Variants in MALRD1 observed in about 807,000 individuals in gnomAD.
MALRD1 encodes MAM and LDL-receptor class A domain-containing protein 1.
Under a neutral mutation model 242.1 loss-of-function variants are expected in MALRD1, and 247 were observed. The ratio of observed to expected loss-of-function variants is 1.02; its 90% CI spans 0.92 to 1.13. The LOEUF is 1.13. Ranked by LOEUF, MALRD1 falls within the 50% of genes most tolerant of loss-of-function variation. MALRD1 has a pLI of 0.00. For synonymous variants in MALRD1, 995 were observed against 866.6 expected (o/e 1.15, Z -2.60); for missense variants, 2,989 against 2,533.1 (o/e 1.18, Z -3.86).
At chr10:19,617,924 C>T (rs994687213) in intron 36 of MALRD1, among the ~76,000 whole-genome samples, 2 of 152,012 alleles carry the variant, frequency 1.3e-5, no homozygotes, top group African/African-American at 2.4e-5. Context: ...TATTCCATCA[C>T]CCAGGTACTA....
At chr10:19,249,328 G>A (rs907943150) in intron 18 of MALRD1, among the ~76,000 whole-genome samples, 19 of 151,752 alleles carry the variant, frequency 1.3e-4, no homozygotes, top group Admixed American at 7.2e-4. Flanking sequence ...AGAAAGACAC[G>A]GTTTCAAAGT....
intron 25 of MALRD1, among the ~76,000 whole-genome samples, chr10:19,350,306 T>G (rs1201399930): frequency 6.7e-6 from 1 of 150,352 alleles, no homozygotes; most frequent in African/African-American, 2.5e-5. Context: ...AGTCTCACTT[T>G]GTTGCCCGGG....
chr10:19,252,646 A>C (rs1489831751), intron 18 of MALRD1, among the ~76,000 whole-genome samples: 1 of 151,998 alleles, frequency 6.6e-6, no homozygotes, highest in Non-Finnish European at 1.5e-5. Context: ...TGTCTCTACT[A>C]TTACCACAAT....
chr10:19,621,405 T>C (rs141387717), intron 36 of MALRD1, among the ~76,000 whole-genome samples: 1,801 of 147,942 alleles, frequency 0.012, 43 homozygotes, highest in African/African-American at 0.043. Flanking sequence ...ATGAATTGGC[T>C]GGATTAACTG....
chr10:19,293,273 T>A (rs61850890), intron 21 of MALRD1, among the ~76,000 whole-genome samples: 11 of 152,090 alleles, frequency 7.2e-5, no homozygotes, highest in Admixed American at 2.6e-4. Flanking sequence ...ACTGTAGTTA[T>A]ATATACATAT....
chr10:19,658,406 T>C (rs183405189), intron 36 of MALRD1, among the ~76,000 whole-genome samples: 7 of 152,256 alleles, frequency 4.6e-5, no homozygotes, highest in Admixed American at 2.6e-4. Context: ...TCTGTAGATA[T>C]CAAGCATCAA....
At chr10:19,048,081 G>A (rs1267330868), upstream of MALRD1, among the ~76,000 whole-genome samples, 2 of 152,106 alleles carry the variant, frequency 1.3e-5, no homozygotes, top group African/African-American at 4.8e-5. Context: ...TTCTGAATAT[G>A]CATCCTGAAA....
intron 24 of MALRD1, among the ~76,000 whole-genome samples, chr10:19,339,904 C>A (rs1249322669): frequency 6.6e-6 from 1 of 152,072 alleles, no homozygotes; most frequent in Non-Finnish European, 1.5e-5. Context: ...AGGAAACTTA[C>A]AATCACAGTG....
At chr10:19,378,758 C>T (rs1818388735) in intron 26 of MALRD1, among the ~76,000 whole-genome samples, 1 of 152,072 alleles carries the variant, frequency 6.6e-6, no homozygotes, top group African/African-American at 2.4e-5. Flanking sequence ...GTTCATGAGA[C>T]ATATTGGTCT....
In MALRD1 at chr10:19,578,624, G is replaced by A. The variant is rs149199349; in HGVS notation, c.5680+10921G>A. ...GAAGAATTGCTTGAACCCAGGAGGCGGAGGTTGCAGTGAGCTGAGATCATG... is the reference window on the plus strand; with the variant it reads ...GAAGAATTGCTTGAACCCAGGAGGCAGAGGTTGCAGTGAGCTGAGATCATG... On this transcript the variant is annotated intron_variant, in intron 33 of 39. Transcript: ENST00000454679. Among the ~76,000 whole-genome samples the A allele has an allele frequency of 2.1e-3, 325 of 152,102 alleles. 1 individual carries two copies. Among genetic ancestry groups the A allele is most frequent in the African/African-American group, 7.4e-3 (306 of 41,508 alleles).
At position 19,233,720 on chromosome 10, in the gene MALRD1, G is replaced by A. The variant is rs191875077; in HGVS notation, c.2992-23964G>A. Among the ~76,000 whole-genome samples, 390 of 152,172 alleles carry A rather than the reference G, an allele frequency of 2.6e-3. 3 individuals are homozygous for A. The highest frequency in any genetic ancestry group is 9.0e-3 in the African/African-American group (375 of 41,528). ...AAAGCATAGCATAATGTAATGAAAAGCAAGATTGTAATGATAAAGGAAAAT... is the reference window on the plus strand; with the variant it reads ...AAAGCATAGCATAATGTAATGAAAAACAAGATTGTAATGATAAAGGAAAAT... On this transcript the variant is annotated intron_variant, in intron 18 of 39. Transcript: ENST00000454679.
intron 32 of MALRD1, among the ~76,000 whole-genome samples, chr10:19,550,368 G>T (rs187489549): frequency 1.2e-3 from 176 of 152,086 alleles, no homozygotes; most frequent in Non-Finnish European, 1.8e-3. Context: ...TAAGTTCAGG[G>T]GTACCTGTGC....
intron 33 of MALRD1, among the ~76,000 whole-genome samples, chr10:19,588,308 T>G (rs192782740): frequency 1.8e-4 from 27 of 152,338 alleles, no homozygotes; most frequent in African/African-American, 5.5e-4. Context: ...AATTACTATT[T>G]AAACCACTGA....
At chr10:19,657,747 C>A (rs1164511149) in intron 36 of MALRD1, among the ~76,000 whole-genome samples, 7 of 151,948 alleles carry the variant, frequency 4.6e-5, no homozygotes, top group African/African-American at 1.7e-4. Flanking sequence ...TTATTATTGA[C>A]TATAGCCTCA....
intron 38 of MALRD1, among the ~76,000 whole-genome samples, chr10:19,709,713 CT>C (rs1262322869): frequency 1.3e-5 from 2 of 152,094 alleles, no homozygotes; most frequent in African/African-American, 4.8e-5. Flanking sequence ...CTACACTTAT[CT>C]TTGCATTACA....
chr10:19,227,396 A>G (rs1346593572), intron 18 of MALRD1, among the ~76,000 whole-genome samples: 1 of 152,106 alleles, frequency 6.6e-6, no homozygotes, highest in Non-Finnish European at 1.5e-5. Flanking sequence ...CTTTATAAAG[A>G]TGGTACTATT....
intron 26 of MALRD1, among the ~76,000 whole-genome samples, chr10:19,384,311 TA>T (rs1244085103): frequency 7.6e-6 from 1 of 132,216 alleles, no homozygotes; most frequent in African/African-American, 2.8e-5. Context: ...ATGTATTATA[TA>T]AATATATATT....
At chr10:19,704,520 TTTAATAGGGCTTCAAGATA>T (rs1232948162) in intron 38 of MALRD1, among the ~76,000 whole-genome samples, 4 of 152,342 alleles carry the variant, frequency 2.6e-5, no homozygotes, top group African/African-American at 9.6e-5. Context: ...ATGCCGTCGC[TTTAATAGGGCTTCAAGATA>T]TACATTTGGG....
At chr10:19,069,064 A>G (rs1409014774) in intron 2 of MALRD1, among the ~76,000 whole-genome samples, 3 of 152,122 alleles carry the variant, frequency 2.0e-5, no homozygotes, top group Admixed American at 1.3e-4. Flanking sequence ...GAATGCAAAT[A>G]TGAAAGTTTT....
Sources: gnomAD v4.1 joint callset for allele counts (sites outside exome capture counted in the v4.1 genomes callset) on GRCh38, gnomAD v4.1.1 for gene constraint, MANE v1.5 for transcripts, NCBI Gene and HGNC (gene_info 2026-07-23, HGNC 2026-07-21) for gene names.